CDH4: variants seen among roughly 807,000 people sequenced by gnomAD.
CDH4 encodes the protein cadherin 4, also known as cadherin-4.
Under a neutral mutation model 86.0 loss-of-function variants are expected in CDH4, and 33 were observed. That is an observed-to-expected ratio of 0.38 (90% CI 0.29 to 0.51). The LOEUF is 0.51. Ranked by LOEUF, CDH4 falls within the 20% of genes least tolerant of loss-of-function variation. The pLI is 0.86. For missense variants in CDH4, 1,114 were observed against 1,307.4 expected, an observed-to-expected ratio of 0.85 and a Z score of 2.28; for synonymous variants, 555 against 549.4, an observed-to-expected ratio of 1.01 and a Z score of -0.14.
Position 61,544,453 on chromosome 20 carries a change from G to T in CDH4, c.170-199110G>T, listed in dbSNP as rs925115074. ...TTCGTAGCTGTTCTGTGGTGGGAGCGCAGTGGGAGCCGCAGGGCATCGGGG... is the reference window on the plus strand; with the variant it reads ...TTCGTAGCTGTTCTGTGGTGGGAGCTCAGTGGGAGCCGCAGGGCATCGGGG... On this transcript the variant is annotated intron_variant, in intron 2 of 15. Transcript: ENST00000614565. The surrounding 1 kb of genome is among the most constrained non-coding windows in gnomAD (Gnocchi z 6.5). 6.6e-6 allele frequency among the ~76,000 whole-genome samples: 1 copy of T among 151,906 alleles called. No individual in the cohort carries two copies. Among genetic ancestry groups the T allele is most frequent in the Non-Finnish European group, 1.5e-5 (1 of 67,970 alleles).
chr20:61,478,506 G>C (rs956195822), intron 2 of CDH4, among the ~76,000 whole-genome samples: 2 of 152,208 alleles, frequency 1.3e-5, no homozygotes, highest in Non-Finnish European at 2.9e-5. Flanking sequence ...TGTGTGTCCA[G>C]TGTAGCACAT....
chr20:61,891,120 G>A (rs746307970), intron 7 of CDH4, among the ~76,000 whole-genome samples: 3 of 152,284 alleles, frequency 2.0e-5, no homozygotes, highest in South Asian at 2.1e-4. Context: ...GATAGGAGGT[G>A]TGGGGTGCAC....
chr20:61,401,253 C>A (rs1024803375), intron 2 of CDH4, among the ~76,000 whole-genome samples: 6 of 152,168 alleles, frequency 3.9e-5, no homozygotes, highest in Non-Finnish European at 7.3e-5. Context: ...CAATTGTAAA[C>A]CTGCTCCACC....
In CDH4 at chr20:61,300,519, T is replaced by C. The variant is rs186848837; in HGVS notation, c.169+45582T>C. 3.3e-3 allele frequency among the ~76,000 whole-genome samples: 497 copies of C among 152,238 alleles called. 1 individual carries two copies. The highest frequency in any genetic ancestry group is 5.2e-3 in the Non-Finnish European group (352 of 67,988). ...CTCCCCTGGCTGCGGCCACAGCCCTTGCTCATCCCCCGTCTGCCCTGCCGG... is the reference window on the plus strand; with the variant it reads ...CTCCCCTGGCTGCGGCCACAGCCCTCGCTCATCCCCCGTCTGCCCTGCCGG... On this transcript the variant is annotated intron_variant, in intron 2 of 15. Coordinates refer to ENST00000614565, the MANE Select transcript of CDH4 (RefSeq NM_001794.5).
At chr20:61,328,587 C>T (rs968691574) in intron 2 of CDH4, among the ~76,000 whole-genome samples, 1 of 152,108 alleles carries the variant, frequency 6.6e-6, no homozygotes, top group Non-Finnish European at 1.5e-5. Flanking sequence ...AGTTCAAGAC[C>T]AGTCTGGGCA....
chr20:61,449,124 G>A (rs1268485929), intron 2 of CDH4, among the ~76,000 whole-genome samples: 1 of 152,184 alleles, frequency 6.6e-6, no homozygotes, highest in Non-Finnish European at 1.5e-5. Context: ...CCAGGGGCTG[G>A]GTGAGGGTGT....
intron 2 of CDH4, among the ~76,000 whole-genome samples, chr20:61,698,486 C>T (rs932564178): frequency 6.6e-6 from 1 of 152,252 alleles, no homozygotes; most frequent in African/African-American, 2.4e-5. Context: ...ATTCCCGGGG[C>T]TGGTGACTGC....
chr20:61,464,277 A>C (rs893520043), intron 2 of CDH4, among the ~76,000 whole-genome samples: 19 of 152,226 alleles, frequency 1.2e-4, no homozygotes, highest in African/African-American at 4.3e-4. Flanking sequence ...GAAAAATCCC[A>C]ATAAGTTTAT....
chr20:61,793,578 A>G (rs2146019737), intron 4 of CDH4, among the ~76,000 whole-genome samples: 1 of 152,088 alleles, frequency 6.6e-6, no homozygotes, highest in South Asian at 2.1e-4. Context: ...GCAGTGGCTC[A>G]CGCCTGTAAT....
At chr20:61,498,122 G>A (rs2085675606) in intron 2 of CDH4, among the ~76,000 whole-genome samples, 1 of 151,410 alleles carries the variant, frequency 6.6e-6, no homozygotes, top group South Asian at 2.1e-4. Flanking sequence ...CGAGTTAATG[G>A]GTGCAGCACA....
rs544915075 is a variant in CDH4, at chr20:61,580,893, C to T, written c.170-162670C>T. Among the ~76,000 whole-genome samples, 3 of 152,344 alleles carry T rather than the reference C, an allele frequency of 2.0e-5. No individual in the cohort carries two copies. In the East Asian group the frequency reaches 5.8e-4, roughly 29 times the overall value. ...GAGTGGATGTGAGCCCGAGGCCTTG[C>T]AAGTCCCACACCCCAACAAACAGCA... On this transcript the variant is annotated intron_variant, in intron 2 of 15. Coordinates refer to ENST00000614565, the MANE Select transcript of CDH4 (RefSeq NM_001794.5).
intron 2 of CDH4, among the ~76,000 whole-genome samples, chr20:61,454,216 A>G (rs1486385168): frequency 1.3e-5 from 2 of 152,218 alleles, no homozygotes; most frequent in Non-Finnish European, 2.9e-5. Context: ...CTGCTGGGAT[A>G]CAGTGGTGAC....
chr20:61,749,798 T>C (rs2088466634), intron 3 of CDH4, among the ~76,000 whole-genome samples: 1 of 152,218 alleles, frequency 6.6e-6, no homozygotes, highest in Admixed American at 6.5e-5. Flanking sequence ...TGGTGGCTCG[T>C]GCCTGTAATC....
chr20:61,258,781 A>G (rs148473292), intron 2 of CDH4, among the ~76,000 whole-genome samples: 3 of 152,332 alleles, frequency 2.0e-5, no homozygotes, highest in Non-Finnish European at 2.9e-5. Context: ...CGTCACTGCA[A>G]ACTGGCTGCT....
At chr20:61,670,779 G>A (rs1157602572) in intron 2 of CDH4, among the ~76,000 whole-genome samples, 1 of 152,182 alleles carries the variant, frequency 6.6e-6, no homozygotes, top group Admixed American at 6.5e-5. Context: ...ATGGAAATGT[G>A]GGGAAGTCTG....
At chr20:61,685,617 C>T (rs1034467615) in intron 2 of CDH4, among the ~76,000 whole-genome samples, 2 of 152,232 alleles carry the variant, frequency 1.3e-5, no homozygotes, top group African/African-American at 2.4e-5. Flanking sequence ...CTTATCCCAG[C>T]CTGGTCACTC....
At chr20:61,700,726 G>A (rs766254579) in intron 2 of CDH4, among the ~76,000 whole-genome samples, 66 of 152,310 alleles carry the variant, frequency 4.3e-4, no homozygotes, top group Non-Finnish European at 4.0e-4. Context: ...TCACTGTGGG[G>A]CCATGTCTGT....
At chr20:61,687,354 G>A (rs143195496) in intron 2 of CDH4, among the ~76,000 whole-genome samples, 1 of 152,318 alleles carries the variant, frequency 6.6e-6, no homozygotes, top group East Asian at 1.9e-4. Context: ...CCTTGTCAGT[G>A]ACCGTCTGTA....
In CDH4 at chr20:61,879,061, G is replaced by A. The variant is rs572245708; in HGVS notation, c.1050+5161G>A. ...AGCAGCAAACAATAAAACAACAACA[G>A]GTTTTAAGACAACGGCTCCAGGACC... On this transcript the variant is annotated intron_variant, in intron 7 of 15. Coordinates refer to ENST00000614565, the MANE Select transcript of CDH4 (RefSeq NM_001794.5). The surrounding 1 kb of genome is among the most constrained non-coding windows in gnomAD (Gnocchi z 4.1). Among the ~76,000 whole-genome samples, 1 of 152,358 alleles carries A rather than the reference G, an allele frequency of 6.6e-6. No individual in the cohort carries two copies. The highest frequency in any genetic ancestry group is 1.9e-4 in the East Asian group (1 of 5,190).
Sources: allele counts gnomAD v4.1 joint callset (sites outside exome capture counted in the v4.1 genomes callset), GRCh38; gene constraint gnomAD v4.1.1; non-coding constraint Gnocchi (gnomAD v3.1); transcripts MANE v1.5; gene names NCBI Gene and HGNC (gene_info 2026-07-23, HGNC 2026-07-21).